Variants in CNR1 observed in about 807,000 individuals in gnomAD.
CNR1 encodes cannabinoid receptor 1, also known as cannabinoid receptor 1 (brain).
Under a neutral mutation model 23.0 loss-of-function variants are expected in CNR1, and 10 were observed. The ratio of observed to expected loss-of-function variants is 0.43; its 90% CI spans 0.27 to 0.74. The LOEUF is 0.74. CNR1 is among the 30% of genes least tolerant of loss of function. The probability of loss-of-function intolerance (pLI) is 0.19; values close to 1 mark genes in which losing one functional copy is unlikely to be tolerated. For synonymous variants in CNR1, 271 were observed against 255.2 expected, an observed-to-expected ratio of 1.06 and a Z score of -0.59; for missense variants, 422 against 618.8, an observed-to-expected ratio of 0.68 and a Z score of 3.37.
intron 1 of CNR1, among the ~76,000 whole-genome samples, chr6:88,156,952 T>C (rs1777834746): frequency 6.6e-6 from 1 of 152,246 alleles, no homozygotes; most frequent in Non-Finnish European, 1.5e-5. Context: ...CCCCAGGATG[T>C]CTTATTTCAG....
chr6:88,160,156 C>T (rs563871301), intron 1 of CNR1, among the ~76,000 whole-genome samples: 2 of 151,986 alleles, frequency 1.3e-5, no homozygotes, highest in East Asian at 1.9e-4. Flanking sequence ...GGTGAAACCC[C>T]GTCTGCACGA....
At chr6:88,159,544 T>G (rs1777976204) in intron 1 of CNR1, among the ~76,000 whole-genome samples, 1 of 152,226 alleles carries the variant, frequency 6.6e-6, no homozygotes, top group Admixed American at 6.5e-5. Context: ...TACTCACAAT[T>G]AGTTACTTTA....
chr6:88,147,239 G>C (rs1777247072), intron 1 of CNR1, among the ~76,000 whole-genome samples: 2 of 152,236 alleles, frequency 1.3e-5, no homozygotes, highest in Admixed American at 1.3e-4. Flanking sequence ...TTGAACCCGG[G>C]AGGCGGAGGT....
At chr6:88,148,067 C>T (rs1239084419) in intron 1 of CNR1, among the ~76,000 whole-genome samples, 1 of 152,210 alleles carries the variant, frequency 6.6e-6, no homozygotes, top group African/African-American at 2.4e-5. Context: ...CTTCTTCTTG[C>T]CAGCCCTGGC....
chr6:88,150,603 G>A (rs886822687), intron 1 of CNR1, among the ~76,000 whole-genome samples: 1 of 152,168 alleles, frequency 6.6e-6, no homozygotes, highest in Non-Finnish European at 1.5e-5. Flanking sequence ...CCTACTGATG[G>A]AGGTTTAGGT....
chr6:88,151,410 G>A (rs1405677205), intron 1 of CNR1, among the ~76,000 whole-genome samples: 1 of 152,136 alleles, frequency 6.6e-6, no homozygotes, highest in African/African-American at 2.4e-5. Flanking sequence ...AATGGAATTA[G>A]GAGTTAGCAG....
chr6:88,153,275 G>T (rs1289015606), intron 1 of CNR1, among the ~76,000 whole-genome samples: 1 of 152,112 alleles, frequency 6.6e-6, no homozygotes, highest in Non-Finnish European at 1.5e-5. Flanking sequence ...GAGTATGGCT[G>T]CTGCATAAAG....
chr6:88,147,691 A>C (rs1264616013), intron 1 of CNR1: 1 of 152,154 alleles, frequency 6.6e-6, no homozygotes, highest in East Asian at 1.9e-4. Context: ...CTTTCTGACC[A>C]GTTTTCCTGC....
rs968398319 is a variant in CNR1, at chr6:88,141,655, A to G, written c.*2201T>C. ...TGTAAATAATCTCTCCTGTCTTTAG[A>G]AAGAGATCTTACTAATCCTCTAGCA... On this transcript the variant is annotated 3_prime_UTR_variant, in exon 2 of 2. Transcript: ENST00000369501. 2.0e-5 allele frequency: 3 copies of G among 152,390 alleles called. No individual in the cohort carries two copies. Among genetic ancestry groups the G allele is most frequent in the African/African-American group, 7.2e-5 (3 of 41,452 alleles). 9.4% of individuals were successfully genotyped at this position (152,390 alleles called of 1,614,324 possible).
At chr6:88,147,952 C>T (rs1777295639) in intron 1 of CNR1, 2 of 152,498 alleles carry the variant, frequency 1.3e-5, no homozygotes, top group Admixed American at 1.3e-4. Flanking sequence ...CCTTAATACT[C>T]TCCACAACCT....
rs367744555 is a variant in CNR1 at position 88,143,486 on chromosome 6, G to A, written c.*370C>T. On this transcript the variant is annotated 3_prime_UTR_variant, in exon 2 of 2. Coordinates refer to ENST00000369501, the MANE Select transcript of CNR1 (RefSeq NM_016083.6). ...TAAAAATGGACATCTCTGATACTAC[G>A]GACAGTTACATTTCACATTATAGTG... 4.0e-5 allele frequency: 8 copies of A among 198,380 alleles called. No individual in the cohort carries two copies. Among genetic ancestry groups the A allele is most frequent in the Admixed American group, 2.7e-4 (5 of 18,818 alleles). 12.3% of individuals were successfully genotyped at this position (198,380 alleles called of 1,614,324 possible). A position where few individuals can be genotyped will look rare whatever the true frequency, so the allele number is the denominator to read the frequency against.
At position 88,144,609 on chromosome 6, in the gene CNR1, C is replaced by T; in HGVS notation, c.666G>A (p.Leu222=). 1 of 1,614,240 alleles carries T rather than the reference C, an allele frequency of 6.2e-7. No individual in the cohort carries two copies. Among genetic ancestry groups the T allele is most frequent in the African/African-American group, 1.3e-5 (1 of 75,068 alleles). ...GCCTGGTGACAATCCTCTTATAGGC[C>T]AGGGGCCTGTGAATGGATATGTACC... is the stretch of plus-strand genomic sequence containing the variant. ...IDRYISIHRP[L]AYKRIVTRPK... Residue 222 remains leucine, a synonymous_variant, in exon 2 of 2, where the codon CTG becomes CTA. Transcript: ENST00000369501. This position sits in a 1 kb window ranked among gnomAD's most constrained non-coding sequence, Gnocchi z 7.8.
chr6:88,165,004 A>G (rs910304689), intron 1 of CNR1, among the ~76,000 whole-genome samples: 1 of 152,248 alleles, frequency 6.6e-6, no homozygotes, highest in African/African-American at 2.4e-5. Context: ...GAGGAAAATA[A>G]AAAAAGATGG....
intron 1 of CNR1, among the ~76,000 whole-genome samples, chr6:88,160,588 C>A (rs1218999812): frequency 2.0e-5 from 3 of 151,950 alleles, no homozygotes; most frequent in Non-Finnish European, 2.9e-5. Flanking sequence ...GCACATGCCA[C>A]CATGCCCGGC....
Position 88,162,909 on chromosome 6 carries a change from A to G in CNR1, c.-64+2894T>C, listed in dbSNP as rs1195491779. 2.0e-5 allele frequency: 3 copies of G among 152,340 alleles called. No homozygotes were observed. In the East Asian group the frequency reaches 5.8e-4, roughly 29 times the overall value. The allele number at this position is 152,340 out of a possible 1,614,324, so 9.4% of individuals were successfully genotyped here. A position where few individuals can be genotyped will look rare whatever the true frequency, so the allele number is the denominator to read the frequency against. ...CCTGGTTTCACTCTAACTATTTGTC[A>G]GTTCAATTAGAAAATGATAAATACA... On this transcript the variant is annotated intron_variant, in intron 1 of 1. Transcript: ENST00000369501.
At chr6:88,153,546 C>T (rs531847667) in intron 1 of CNR1, among the ~76,000 whole-genome samples, 1 of 152,278 alleles carries the variant, frequency 6.6e-6, no homozygotes, top group Middle Eastern at 3.4e-3. Flanking sequence ...AAGTTCCAGT[C>T]CCTTGCTTAA....
intron 1 of CNR1, among the ~76,000 whole-genome samples, chr6:88,149,834 T>C (rs1279441487): frequency 1.3e-5 from 2 of 152,180 alleles, no homozygotes; most frequent in East Asian, 3.9e-4. Flanking sequence ...CATCACGTCG[T>C]ATAATCAGGA....
chr6:88,167,320 GTTAA>G (rs893933152), upstream of CNR1, among the ~76,000 whole-genome samples: 1 of 152,200 alleles, frequency 6.6e-6, no homozygotes, highest in African/African-American at 2.4e-5. Context: ...GGACATGCTC[GTTAA>G]TTGTTTCCAC....
chr6:88,145,363 C>T (rs1175280476), intron 1 of CNR1, 26 bp from the exon 2 acceptor site: 43 of 1,034,684 alleles, frequency 4.2e-5, no homozygotes, highest in Non-Finnish European at 5.3e-5. Context: ...ACAAATAAGC[C>T]GAATGGTGAG....
Sources: allele counts gnomAD v4.1 joint callset (sites outside exome capture counted in the v4.1 genomes callset), GRCh38; gene constraint gnomAD v4.1.1; non-coding constraint Gnocchi (gnomAD v3.1); transcripts MANE v1.5; gene names NCBI Gene and HGNC (gene_info 2026-07-23, HGNC 2026-07-21).